The following RFX4 variants were observed in gnomAD, a reference collection of about 807,000 sequenced individuals.
The protein encoded by RFX4 is transcription factor RFX4.
Under a neutral mutation model 95.0 loss-of-function variants are expected in RFX4, and 10 were observed. The observed-to-expected ratio is 0.11, with a 90% CI of 0.06 to 0.18. The LOEUF is 0.18. Among genes scored for constraint, RFX4 ranks in the 10% least tolerant of loss-of-function variants. The pLI is 1.00. For missense variants in RFX4, 640 were observed against 922.0 expected, an observed-to-expected ratio of 0.69 and a Z score of 3.96; for synonymous variants, 321 against 340.7, an observed-to-expected ratio of 0.94 and a Z score of 0.64.
At chr12:106,617,919 G>A (rs1418531416) in intron 2 of RFX4, among the ~76,000 whole-genome samples, 3 of 151,988 alleles carry the variant, frequency 2.0e-5, no homozygotes, top group Non-Finnish European at 2.9e-5. Context: ...TAGAGATGAG[G>A]TTTCACCATG....
At chr12:106,713,836 G>C (rs563667140) in intron 10 of RFX4, among the ~76,000 whole-genome samples, 28 of 152,188 alleles carry the variant, frequency 1.8e-4, no homozygotes, top group Non-Finnish European at 2.8e-4. Flanking sequence ...GGGAGACCTA[G>C]GTGGGCAGAT....
intron 17 of RFX4, among the ~76,000 whole-genome samples, chr12:106,755,105 A>G (rs4335639): frequency 0.26 from 39,265 of 152,070 alleles, 6,695 homozygotes; most frequent in African/African-American, 0.48. Flanking sequence ...CTGGGAAGAA[A>G]GCATTTTTGG....
At chr12:106,733,198 T>C in intron 15 of RFX4, 113 bp downstream of exon 15, 2 of 1,207,906 alleles carry the variant, frequency 1.7e-6, no homozygotes, top group African/African-American at 3.0e-5. Flanking sequence ...AAGCCAGACA[T>C]CTTGGCTCAC....
At chr12:106,597,976 T>C (rs1482355880) in intron 1 of RFX4, among the ~76,000 whole-genome samples, 1 of 152,218 alleles carries the variant, frequency 6.6e-6, no homozygotes, top group Non-Finnish European at 1.5e-5. Context: ...TAGAACTTGC[T>C]CTGGTCCAGG....
intron 5 of RFX4, chr12:106,683,438 C>T (rs1205265700): frequency 1.0e-5 from 1 of 96,866 alleles, no homozygotes; most frequent in Non-Finnish European, 1.9e-5. Context: ...GGAATAAATT[C>T]CTAATAATTT....
intron 1 of RFX4, among the ~76,000 whole-genome samples, chr12:106,593,516 A>T (rs2137170307): frequency 6.6e-6 from 1 of 152,346 alleles, no homozygotes; most frequent in Middle Eastern, 3.4e-3. Context: ...CTAACGAGTG[A>T]TTAGTGATTG....
intron 1 of RFX4, among the ~76,000 whole-genome samples, chr12:106,591,526 A>G (rs913594593): frequency 2.0e-5 from 3 of 152,116 alleles, no homozygotes; most frequent in Non-Finnish European, 4.4e-5. Flanking sequence ...TCGGCCTCCC[A>G]AAGTGCTGGG....
chr12:106,691,386 G>A (rs370794537), intron 7 of RFX4, among the ~76,000 whole-genome samples: 23 of 152,310 alleles, frequency 1.5e-4, no homozygotes, highest in African/African-American at 3.8e-4. Context: ...AAGGTCCTTC[G>A]TCACCTCACA....
At chr12:106,759,022 A>G (rs1288813628) in intron 17 of RFX4, among the ~76,000 whole-genome samples, 1 of 152,234 alleles carries the variant, frequency 6.6e-6, no homozygotes, top group African/African-American at 2.4e-5. Context: ...TGTTGGGAAC[A>G]TGGTGTTGAA....
intron 2 of RFX4, among the ~76,000 whole-genome samples, chr12:106,611,471 A>G (rs1331734885): frequency 1.4e-5 from 2 of 147,956 alleles, no homozygotes; most frequent in Non-Finnish European, 3.0e-5. Context: ...ATCTGTTTTG[A>G]GCTAACATTT....
chr12:106,732,296 T>G (rs1360265643), intron 14 of RFX4, 47 bp downstream of exon 14: 1 of 1,607,766 alleles, frequency 6.2e-7, no homozygotes, highest in East Asian at 2.2e-5. Context: ...TAATGTTATT[T>G]GTATCCTTAC....
At chr12:106,727,967 C>T (rs189345905) in intron 13 of RFX4, among the ~76,000 whole-genome samples, 6 of 152,070 alleles carry the variant, frequency 3.9e-5, no homozygotes, top group Middle Eastern at 3.4e-3. Flanking sequence ...TTCACTAACT[C>T]GAAAATATAA....
chr12:106,598,370 T>C (rs895211157), intron 1 of RFX4, among the ~76,000 whole-genome samples: 1 of 152,090 alleles, frequency 6.6e-6, no homozygotes, highest in Admixed American at 6.5e-5. Flanking sequence ...ATCTGCATAA[T>C]AATAGAACAT....
intron 1 of RFX4, among the ~76,000 whole-genome samples, chr12:106,584,753 G>A (rs951363949): frequency 2.6e-5 from 4 of 152,198 alleles, no homozygotes; most frequent in Non-Finnish European, 4.4e-5. Context: ...CTTGCCAGGG[G>A]GATATTCTGT....
intron 13 of RFX4, among the ~76,000 whole-genome samples, chr12:106,729,642 T>C (rs1057415359): frequency 2.0e-5 from 3 of 152,210 alleles, no homozygotes; most frequent in Non-Finnish European, 4.4e-5. Flanking sequence ...TTATCTCACA[T>C]GGTTGTGATG....
intron 3 of RFX4, among the ~76,000 whole-genome samples, chr12:106,648,197 C>T (rs914123105): frequency 2.6e-5 from 4 of 152,142 alleles, no homozygotes; most frequent in African/African-American, 9.7e-5. Flanking sequence ...GAACATAGTT[C>T]CATGGAAGAG....
chr12:106,692,027 C>T (rs1165063019), intron 7 of RFX4, among the ~76,000 whole-genome samples: 5 of 151,918 alleles, frequency 3.3e-5, no homozygotes, highest in African/African-American at 9.7e-5. Flanking sequence ...CGTGGTGGCG[C>T]GTGCCTGTAG....
intron 8 of RFX4, among the ~76,000 whole-genome samples, chr12:106,700,536 A>G (rs1194707839): frequency 6.7e-6 from 1 of 149,582 alleles, no homozygotes; most frequent in African/African-American, 2.5e-5. Context: ...CCTCCCGAGT[A>G]GCTGGGACTA....
intron 17 of RFX4, among the ~76,000 whole-genome samples, chr12:106,753,465 C>G (rs2043048972): frequency 6.6e-6 from 1 of 152,168 alleles, no homozygotes. Flanking sequence ...GTTATCATCA[C>G]CAACTTTCCT....
Sources: gnomAD v4.1 joint callset for allele counts (sites outside exome capture counted in the v4.1 genomes callset) on GRCh38, gnomAD v4.1.1 for gene constraint, MANE v1.5 for transcripts, NCBI Gene and HGNC (gene_info 2026-07-23, HGNC 2026-07-21) for gene names.